The following UTP20 variants were observed in gnomAD, a reference collection of about 807,000 sequenced individuals.
UTP20 encodes the protein small subunit processome component 20 homolog.
UTP20 carries 164 observed loss-of-function variants against 329.5 expected under a neutral mutation model. The ratio of observed to expected loss-of-function variants is 0.50; its 90% CI spans 0.44 to 0.57. The LOEUF (loss-of-function observed/expected upper bound fraction) is 0.57. Ranked by LOEUF, UTP20 falls within the 20% of genes least tolerant of loss-of-function variation. The pLI, the probability that UTP20 is intolerant of heterozygous loss-of-function variation, is 0.00. For synonymous variants in UTP20, 1,151 were observed against 1,159.3 expected, an observed-to-expected ratio of 0.99 and a Z score of 0.14; for missense variants, 3,055 against 3,284.2, an observed-to-expected ratio of 0.93 and a Z score of 1.71.
At chr12:101,348,452 CCATT>C (rs561927688) in intron 38 of UTP20, among the ~76,000 whole-genome samples, 37 of 152,086 alleles carry the variant, frequency 2.4e-4, no homozygotes, top group African/African-American at 8.4e-4. Context: ...TTTTGCCTCT[CCATT>C]CATTTTAAAC....
At chr12:101,353,760 T>A (rs1342648154) in intron 40 of UTP20, among the ~76,000 whole-genome samples, 2 of 152,198 alleles carry the variant, frequency 1.3e-5, no homozygotes, top group Non-Finnish European at 2.9e-5. Context: ...GGCAAATGCC[T>A]GACAAGATTG....
At chr12:101,305,847 C>T in intron 15 of UTP20, 68 bp from the exon 16 acceptor site, 1 of 1,381,992 alleles carries the variant, frequency 7.2e-7, no homozygotes, top group Non-Finnish European at 9.5e-7. Context: ...TTTTCTGTGG[C>T]TTATACTATA....
chr12:101,344,136 C>A (rs1304153450), intron 35 of UTP20, among the ~76,000 whole-genome samples: 1 of 152,104 alleles, frequency 6.6e-6, no homozygotes, highest in Non-Finnish European at 1.5e-5. Context: ...CATAATCATG[C>A]CAAAATTCAG....
chr12:101,293,725 T>G (rs1015075605), intron 11 of UTP20, among the ~76,000 whole-genome samples: 3 of 152,216 alleles, frequency 2.0e-5, no homozygotes, highest in Non-Finnish European at 4.4e-5. Context: ...CCTCTCAATA[T>G]TCTTCCTTTT....
intron 40 of UTP20, among the ~76,000 whole-genome samples, chr12:101,354,091 T>C (rs980241656): frequency 2.3e-4 from 35 of 151,602 alleles, no homozygotes; most frequent in Admixed American, 3.9e-4. Flanking sequence ...CGAAACCCTG[T>C]CTCTACTAAA....
At position 101,307,198 on chromosome 12, in the gene UTP20, A is replaced by ATT. The variant is rs1263487319; in HGVS notation, c.1995+448_1995+449dup. Among the ~76,000 whole-genome samples the ATT allele has an allele frequency of 1.0e-4, 14 of 139,160 alleles. No homozygotes were observed. In the East Asian group the frequency reaches 1.0e-3, roughly 10 times the overall value. The allele number at this position is 139,160 out of a possible 152,430, so 91.3% of individuals were successfully genotyped here. On this transcript the variant is annotated intron_variant, in intron 17 of 61. Transcript: ENST00000261637. ...GTCTCAAAAAAAAAAAAAAAAATTG[A>ATT]TTTTTTTTTTTTGGTAACTCTTACT...
At chr12:101,332,838 A>ATTT in intron 27 of UTP20, among the ~76,000 whole-genome samples, 1 of 152,204 alleles carries the variant, frequency 6.6e-6, no homozygotes, top group Admixed American at 6.5e-5. Flanking sequence ...AAAGTAAAAT[A>ATTT]TTAAGTATGG....
chr12:101,346,688 A>C, intron 38 of UTP20, 100 bp downstream of exon 38: 2 of 1,228,912 alleles, frequency 1.6e-6, no homozygotes, highest in Non-Finnish European at 2.2e-6. Flanking sequence ...TGATGTCATC[A>C]CCATAATTAG....
chr12:101,356,467 A>G, intron 41 of UTP20, 87 bp from the exon 42 acceptor site: 1 of 1,197,996 alleles, frequency 8.3e-7, no homozygotes, highest in South Asian at 1.7e-5. Flanking sequence ...TTCTAGAAAA[A>G]CTTGTCTTTC....
intron 22 of UTP20, among the ~76,000 whole-genome samples, chr12:101,318,308 C>T (rs560543571): frequency 1.9e-4 from 29 of 152,292 alleles, no homozygotes; most frequent in African/African-American, 7.0e-4. Context: ...TGGATTGGTG[C>T]AAATATTATT....
At chr12:101,356,094 G>T (rs181646264) in intron 41 of UTP20, among the ~76,000 whole-genome samples, 179 of 152,264 alleles carry the variant, frequency 1.2e-3, no homozygotes, top group African/African-American at 3.4e-3. Context: ...TTAGAAATGG[G>T]CTTAAGATCT....
At chr12:101,340,485 G>A (rs1330451651) in intron 31 of UTP20, 38 bp from the exon 32 acceptor site, 3 of 1,283,338 alleles carry the variant, frequency 2.3e-6, no homozygotes, top group East Asian at 2.3e-5. Flanking sequence ...AAATATCCTT[G>A]TATATGTTCC....
At chr12:101,336,892 C>T (rs1028075748) in intron 29 of UTP20, among the ~76,000 whole-genome samples, 2 of 152,182 alleles carry the variant, frequency 1.3e-5, no homozygotes, top group Non-Finnish European at 2.9e-5. Context: ...CAAGGGAAAA[C>T]GGTTTGGTCA....
chr12:101,291,729 T>G lies in UTP20; in HGVS notation c.892-13T>G, dbSNP rs372395921. The stretch of plus-strand genomic sequence containing the variant: ...ATACTTTATATTCTCTCTGTTAAAT[T>G]CTTTGTTTGCAGGAATCGCTCTTGG... On this transcript the variant is annotated splice_polypyrimidine_tract_variant and intron_variant, in intron 8 of 61. Transcript: ENST00000261637. 64 of 1,555,872 alleles carry G rather than the reference T, an allele frequency of 4.1e-5. No individual in the cohort carries two copies. Among genetic ancestry groups the G allele is most frequent in the Non-Finnish European group, 5.5e-5 (63 of 1,153,680 alleles).
intron 43 of UTP20, among the ~76,000 whole-genome samples, chr12:101,360,904 A>T (rs1236601172): frequency 6.6e-6 from 1 of 152,138 alleles, no homozygotes; most frequent in Non-Finnish European, 1.5e-5. Context: ...TGACAACTAA[A>T]TGTGTTTCCT....
At chr12:101,320,419 G>A (rs1285271350) in intron 23 of UTP20, among the ~76,000 whole-genome samples, 1 of 152,056 alleles carries the variant, frequency 6.6e-6, no homozygotes. Context: ...AGCCAAGTGT[G>A]GTGGTGGGTG....
intron 29 of UTP20, among the ~76,000 whole-genome samples, chr12:101,337,659 T>G (rs1249018770): frequency 6.6e-6 from 1 of 152,214 alleles, no homozygotes; most frequent in Non-Finnish European, 1.5e-5. Context: ...CTTGAAAGCT[T>G]ATAACTGAAA....
chr12:101,355,758 GATTTATATTTTGTATATTTGTAAATATTT>G (rs1869697909), intron 41 of UTP20, among the ~76,000 whole-genome samples: 1 of 151,836 alleles, frequency 6.6e-6, no homozygotes, highest in African/African-American at 2.4e-5. Context: ...ATAAAATATT[GATTTATATTTTGTATATTTGTAAATATTT>G]ATTTATATTT....
chr12:101,314,670 G>T (rs1485477783), intron 21 of UTP20, among the ~76,000 whole-genome samples: 1 of 147,808 alleles, frequency 6.8e-6, no homozygotes, highest in Non-Finnish European at 1.5e-5. Context: ...AAAAAAAAAA[G>T]AAGCTCAAGA....
Sources: allele counts gnomAD v4.1 joint callset (sites outside exome capture counted in the v4.1 genomes callset), GRCh38; gene constraint gnomAD v4.1.1; transcripts MANE v1.5; gene names NCBI Gene and HGNC (gene_info 2026-07-23, HGNC 2026-07-21).